Variants in NEBL observed in about 807,000 individuals in gnomAD.
The protein encoded by NEBL is LIM and SH3 protein 2.
Under a neutral mutation model 140.2 loss-of-function variants are expected in NEBL, and 122 were observed. The ratio of observed to expected loss-of-function variants is 0.87; its 90% CI spans 0.75 to 1.01. NEBL has a LOEUF of 1.01. Ranked by LOEUF, NEBL falls within the 50% of genes least tolerant of loss-of-function variation. The pLI is 0.00. For synonymous variants in NEBL, 436 were observed against 398.9 expected (o/e 1.09, Z -1.11); for missense variants, 1,365 against 1,231.3 (o/e 1.11, Z -1.62).
chr10:21,104,490 C>A (rs1314140719), intron 2 of NEBL, among the ~76,000 whole-genome samples: 3 of 152,132 alleles, frequency 2.0e-5, no homozygotes, highest in Non-Finnish European at 4.4e-5. Context: ...AGTTTTGATG[C>A]TATCATAAAT....
At chr10:21,105,363 T>C (rs1429148131) in intron 2 of NEBL, among the ~76,000 whole-genome samples, 1 of 151,886 alleles carries the variant, frequency 6.6e-6, no homozygotes, top group Non-Finnish European at 1.5e-5. Context: ...CAGGCCCCAG[T>C]GTGTGATGTT....
rs183602493 is a variant in NEBL, at chr10:20,807,787, A to G, written c.2761+723T>C. 4.0e-3 allele frequency among the ~76,000 whole-genome samples: 603 copies of G among 152,314 alleles called. 6 individuals are homozygous for G. The highest frequency in any genetic ancestry group is 0.014 in the African/African-American group (578 of 41,564). On this transcript the variant is annotated intron_variant, in intron 26 of 27. Transcript: ENST00000377122. ...CTTGCTGTACTAAAATATAACTGCA[A>G]TGAGGTGAGGAAACATTTTAGTCTT...
intron 1 of NEBL, among the ~76,000 whole-genome samples, chr10:21,285,089 T>C (rs1843038984): frequency 6.6e-6 from 1 of 152,212 alleles, no homozygotes; most frequent in Non-Finnish European, 1.5e-5. Context: ...CCATCCTAAC[T>C]GAGTCACTAT....
intron 13 of NEBL, among the ~76,000 whole-genome samples, chr10:20,838,837 T>A (rs1841137286): frequency 6.6e-6 from 1 of 152,210 alleles, no homozygotes; most frequent in Admixed American, 6.5e-5. Flanking sequence ...AGATGATCAT[T>A]AGCACTATTA....
At chr10:21,225,459 T>G (rs917658477) in intron 3 of NEBL, among the ~76,000 whole-genome samples, 1 of 152,112 alleles carries the variant, frequency 6.6e-6, no homozygotes, top group East Asian at 1.9e-4. Context: ...AGCTTTATGT[T>G]CTTCTCTTGA....
chr10:21,186,100 G>T (rs1169731334), intron 3 of NEBL, among the ~76,000 whole-genome samples: 2 of 152,032 alleles, frequency 1.3e-5, no homozygotes, highest in African/African-American at 4.8e-5. Flanking sequence ...AAAGCCAAAA[G>T]TGAGTTTTAA....
At chr10:21,253,540 CTT>C (rs71509095) in intron 1 of NEBL, among the ~76,000 whole-genome samples, 4,058 of 110,732 alleles carry the variant, frequency 0.037, 183 homozygotes, top group African/African-American at 0.14. Flanking sequence ...TTTTAAACCT[CTT>C]TTTTTTTTTT....
rs967305744 is a variant in NEBL, at chr10:21,236,278, T to C, written n.348+11643A>G. ...AGAATTTAACAACTGAATTTTACAA[T>C]GTTGCTTCCTCATGTTTTGTCATTC... On this transcript the variant is annotated intron_variant and non_coding_transcript_variant, in intron 3 of 8. Coordinates refer to the NEBL transcript ENST00000675702. Among the ~76,000 whole-genome samples, 5 of 152,150 alleles carry C rather than the reference T, an allele frequency of 3.3e-5. No individual in the cohort carries two copies. In the South Asian group the frequency reaches 8.3e-4, roughly 25 times the overall value.
intron 3 of NEBL, among the ~76,000 whole-genome samples, chr10:21,005,543 T>C (rs1206377054): frequency 6.6e-6 from 1 of 152,172 alleles, no homozygotes; most frequent in African/African-American, 2.4e-5. Context: ...GAGACCAGCC[T>C]GGGCAACATA....
At chr10:20,829,869 A>G (rs1840238891) in intron 16 of NEBL, among the ~76,000 whole-genome samples, 1 of 152,204 alleles carries the variant, frequency 6.6e-6, no homozygotes, top group South Asian at 2.1e-4. Context: ...TAGCTTTCCA[A>G]GAGCAAAGCC....
chr10:21,048,451 CAA>C (rs10626391), intron 2 of NEBL, among the ~76,000 whole-genome samples: 2 of 103,170 alleles, frequency 1.9e-5, no homozygotes, highest in African/African-American at 3.8e-5. Context: ...AAATTTCTAC[CAA>C]AAAAAAAAAA....
At position 21,087,714 on chromosome 10, in the gene NEBL, T is replaced by C. The variant is rs548717780; in HGVS notation, c.165-67513A>G. Among the ~76,000 whole-genome samples the C allele has an allele frequency of 3.7e-4, 56 of 152,366 alleles. 1 individual carries two copies. The South Asian group carries it at 0.011, about 31-fold the overall frequency. ...ACAATTAGTTCCGCTGTTTGAGGTC[T>C]TGGAAATTACTTCATGATTTCTCCA... On this transcript the variant is annotated intron_variant, in intron 2 of 6. Coordinates refer to the NEBL transcript ENST00000417816.
At chr10:21,250,403 G>A (rs1224430494) in intron 2 of NEBL, among the ~76,000 whole-genome samples, 4 of 152,176 alleles carry the variant, frequency 2.6e-5, no homozygotes, top group African/African-American at 7.2e-5. Context: ...TTGGGACTTG[G>A]ACTGGCTTCC....
chr10:20,787,142 A>G, intron 27 of NEBL, 60 bp downstream of exon 27: 1 of 1,245,786 alleles, frequency 8.0e-7, no homozygotes, highest in Admixed American at 1.9e-5. Flanking sequence ...ACATGTATTT[A>G]CATGCTTGAG....
At chr10:20,866,436 T>C (rs1844299931) in intron 7 of NEBL, among the ~76,000 whole-genome samples, 1 of 152,186 alleles carries the variant, frequency 6.6e-6, no homozygotes, top group Admixed American at 6.6e-5. Context: ...GAACACATTA[T>C]TCCTATTATG....
At chr10:20,869,583 A>G (rs182496655) in intron 6 of NEBL, among the ~76,000 whole-genome samples, 157 bp downstream of exon 6, 42 of 152,316 alleles carry the variant, frequency 2.8e-4, no homozygotes, top group African/African-American at 9.9e-4. Context: ...AATAATTAAC[A>G]TAATAAAATA....
chr10:20,946,863 A>AT (rs796736001), intron 4 of NEBL, among the ~76,000 whole-genome samples: 3 of 152,196 alleles, frequency 2.0e-5, no homozygotes, highest in African/African-American at 7.2e-5. Flanking sequence ...GATAACATTT[A>AT]TTTTTTTGCC....
intron 3 of NEBL, among the ~76,000 whole-genome samples, chr10:21,018,913 A>AT: frequency 6.6e-6 from 1 of 152,310 alleles, no homozygotes; most frequent in Non-Finnish European, 1.5e-5. Flanking sequence ...CTGTAATCCC[A>AT]GCTATTGGGG....
intron 26 of NEBL, among the ~76,000 whole-genome samples, chr10:20,788,816 T>G (rs1384178768): frequency 1.3e-5 from 2 of 152,174 alleles, no homozygotes; most frequent in Non-Finnish European, 2.9e-5. Context: ...GAAAAAAGAA[T>G]GAAATTCCCA....
Sources: gnomAD v4.1 joint callset for allele counts (sites outside exome capture counted in the v4.1 genomes callset) on GRCh38, gnomAD v4.1.1 for gene constraint, MANE v1.5 for transcripts, NCBI Gene and HGNC (gene_info 2026-07-23, HGNC 2026-07-21) for gene names.